NMBR: variants seen among roughly 807,000 people sequenced by gnomAD.
The protein encoded by NMBR is neuromedin-B receptor.
A neutral mutation model predicts 20.5 loss-of-function variants in NMBR; 16 were observed. The ratio of observed to expected loss-of-function variants is 0.78; its 90% CI spans 0.53 to 1.19. The LOEUF is 1.19. NMBR is among the 50% of genes most tolerant of loss of function. NMBR has a pLI of 0.00. For missense variants in NMBR, 582 were observed against 499.1 expected, an observed-to-expected ratio of 1.17 and a Z score of -1.58; for synonymous variants, 212 against 196.6, an observed-to-expected ratio of 1.08 and a Z score of -0.65.
intron 1 of NMBR, chr6:142,134,602 A>G: frequency 1.5e-6 from 1 of 665,890 alleles, no homozygotes; most frequent in African/African-American, 1.8e-5. Flanking sequence ...TGCATGTAAA[A>G]GCATCAATCA....
At chr6:142,086,572 C>T (rs183678972) in intron 2 of NMBR, among the ~76,000 whole-genome samples, 10 of 152,206 alleles carry the variant, frequency 6.6e-5, no homozygotes, top group Non-Finnish European at 8.8e-5. Context: ...CCTAAACACA[C>T]ACTGGTAGAC....
chr6:142,135,071 G>T, intron 1 of NMBR: 1 of 382,504 alleles, frequency 2.6e-6, no homozygotes, highest in Admixed American at 4.3e-5. Context: ...TGTAAGGTAA[G>T]GATTCTTGAA....
At chr6:142,078,137 T>C (rs1239816645) in intron 3 of NMBR, among the ~76,000 whole-genome samples, 1 of 152,318 alleles carries the variant, frequency 6.6e-6, no homozygotes, top group South Asian at 2.1e-4. Flanking sequence ...CAGTGTCCTA[T>C]AGTCCTTTCC....
At position 142,091,045 on chromosome 6, in the gene NMBR, T is replaced by C. The variant is rs542710411; in HGVS notation, c.-663-1724A>G. Among the ~76,000 whole-genome samples the C allele has an allele frequency of 7.2e-5, 11 of 152,296 alleles. No homozygotes were observed. The South Asian group carries it at 2.3e-3, about 32-fold the overall frequency. ...TATTTACTTAAAGATTTGTGTTCATTGTAGTGAAGAATATAATGAATATTT... is the reference window on the plus strand; with the variant it reads ...TATTTACTTAAAGATTTGTGTTCATCGTAGTGAAGAATATAATGAATATTT... On this transcript the variant is annotated intron_variant, in intron 1 of 3. Coordinates refer to ENST00000258042, the MANE Select transcript of NMBR (RefSeq NM_002511.4).
intron 1 of NMBR, among the ~76,000 whole-genome samples, chr6:142,146,106 C>G (rs1443358333): frequency 6.6e-6 from 1 of 152,112 alleles, no homozygotes; most frequent in Non-Finnish European, 1.5e-5. Context: ...AAATATGCCG[C>G]TGAGATTGGG....
chr6:142,127,919 A>G (rs1778066460), intron 1 of NMBR, among the ~76,000 whole-genome samples: 1 of 152,004 alleles, frequency 6.6e-6, no homozygotes, highest in African/African-American at 2.4e-5. Flanking sequence ...TACTTGTATA[A>G]TTATGTTATC....
intron 2 of NMBR, among the ~76,000 whole-genome samples, chr6:142,079,126 G>GAAAGAAAGAAAAGA (rs11451074): frequency 1.9e-5 from 2 of 103,278 alleles, no homozygotes; most frequent in Non-Finnish European, 3.7e-5. Context: ...AAGAAAGAAA[G>GAAAGAAAGAAAAGA]AAGAAAGAAA....
rs985071070 is a variant in NMBR at position 142,075,392 on chromosome 6, CAT to C, written c.*254_*255del. Among the ~76,000 whole-genome samples the C allele has an allele frequency of 2.6e-5, 4 of 151,804 alleles. No individual in the cohort carries two copies. The highest frequency in any genetic ancestry group is 4.8e-5 in the African/African-American group (2 of 41,366). The stretch of plus-strand genomic sequence containing the variant: ...AATATATATAATGTACATGTGTGTA[CAT>C]GTGTGTGTGCAAATACATATATATA... On this transcript the variant is annotated 3_prime_UTR_variant, in exon 4 of 4. Transcript: ENST00000258042.
At chr6:142,108,764 ATG>A (rs1777706148) in intron 1 of NMBR, among the ~76,000 whole-genome samples, 1 of 152,114 alleles carries the variant, frequency 6.6e-6, no homozygotes, top group Non-Finnish European at 1.5e-5. Flanking sequence ...TCCAAATATC[ATG>A]TCCGCACATT....
intron 1 of NMBR, among the ~76,000 whole-genome samples, chr6:142,092,919 A>G (rs7756012): frequency 0.62 from 94,123 of 151,970 alleles, 30,530 homozygotes; most frequent in East Asian, 0.84. Flanking sequence ...CAAAAAGGGT[A>G]AATTAGTGAT....
In NMBR at chr6:142,088,585, C is replaced by T; in HGVS notation, c.74G>A (p.Trp25Ter). 6.2e-7 allele frequency: 1 copy of T among 1,613,222 alleles called. No homozygotes were observed. Among genetic ancestry groups the T allele is most frequent in the Non-Finnish European group, 8.5e-7 (1 of 1,179,984 alleles). The change falls in exon 2 of 4, where the codon TGG (tryptophan) becomes TAG (stop). Residue 25 changes from tryptophan to a stop codon, truncating the protein, a stop_gained. Transcript: ENST00000258042. LOFTEE classifies it high-confidence loss of function. ...CGAGGCCGGCAGGAAATCCCTTTCC[C>T]ACCCCTCGGGAACGGAACCGCTCTC... is the stretch of plus-strand genomic sequence containing the variant. ...ANESGSVPEG[W>*]ERDFLPASDG...
chr6:142,144,716 G>C (rs564661578), intron 1 of NMBR, among the ~76,000 whole-genome samples: 2 of 152,154 alleles, frequency 1.3e-5, no homozygotes, highest in African/African-American at 2.4e-5. Context: ...TCTCTGTACT[G>C]TTCTCCATCA....
At chr6:142,077,494 C>T in intron 3 of NMBR, among the ~76,000 whole-genome samples, 1 of 152,182 alleles carries the variant, frequency 6.6e-6, no homozygotes. Context: ...AACACATTGC[C>T]TCACTGATGC....
At chr6:142,094,727 A>C (rs1017674620) in intron 1 of NMBR, among the ~76,000 whole-genome samples, 1 of 152,180 alleles carries the variant, frequency 6.6e-6, no homozygotes, top group Non-Finnish European at 1.5e-5. Context: ...CATTGAATCT[A>C]TAAATTACCT....
At chr6:142,083,609 C>T (rs530937410) in intron 2 of NMBR, among the ~76,000 whole-genome samples, 1 of 152,060 alleles carries the variant, frequency 6.6e-6, no homozygotes, top group Non-Finnish European at 1.5e-5. Context: ...GGCAAATTTC[C>T]CCTTCCTGTT....
intron 1 of NMBR, among the ~76,000 whole-genome samples, chr6:142,118,898 T>C (rs1777897687): frequency 6.6e-6 from 1 of 151,966 alleles, no homozygotes; most frequent in Non-Finnish European, 1.5e-5. Flanking sequence ...ATTGGGTCCA[T>C]AGGAAAAGAT....
At chr6:142,144,701 C>A (rs188671154) in intron 1 of NMBR, among the ~76,000 whole-genome samples, 1 of 152,162 alleles carries the variant, frequency 6.6e-6, no homozygotes, top group Non-Finnish European at 1.5e-5. Context: ...GTTACACTAA[C>A]ACTGTCTCTG....
intron 1 of NMBR, among the ~76,000 whole-genome samples, chr6:142,107,865 T>C (rs1035445692): frequency 6.8e-5 from 6 of 88,260 alleles, no homozygotes; most frequent in Non-Finnish European, 1.2e-4. Flanking sequence ...AAATAGAGAC[T>C]ATCAAAAAAA....
chr6:142,085,678 G>C (rs1777186362), intron 2 of NMBR, among the ~76,000 whole-genome samples: 1 of 152,154 alleles, frequency 6.6e-6, no homozygotes, highest in African/African-American at 2.4e-5. Context: ...CATCAATGAA[G>C]TGTAGAATAT....
Sources: gnomAD v4.1 joint callset for allele counts (sites outside exome capture counted in the v4.1 genomes callset) on GRCh38, gnomAD v4.1.1 for gene constraint, MANE v1.5 for transcripts, NCBI Gene and HGNC (gene_info 2026-07-23, HGNC 2026-07-21) for gene names.